The following ZNF92 variants were observed in gnomAD, a reference collection of about 807,000 sequenced individuals.
The protein encoded by ZNF92 is epididymis luminal protein 203.
A neutral mutation model predicts 12.4 loss-of-function variants in ZNF92; 11 were observed. The ratio of observed to expected loss-of-function variants is 0.89; its 90% CI spans 0.56 to 1.47. The LOEUF (loss-of-function observed/expected upper bound fraction) is 1.47. Ranked by LOEUF, ZNF92 falls within the 40% of genes most tolerant of loss-of-function variation. The pLI is 0.00. For synonymous variants in ZNF92, 206 were observed against 228.6 expected (o/e 0.90, Z 0.89); for missense variants, 622 against 681.0 (o/e 0.91, Z 0.96).
intron 1 of ZNF92, among the ~76,000 whole-genome samples, chr7:65,377,768 T>G (rs1242169105): frequency 6.7e-6 from 1 of 149,198 alleles, no homozygotes; most frequent in Non-Finnish European, 1.5e-5. Flanking sequence ...GGTTTCACCA[T>G]GTTGGTCAGG....
rs891769547 is a variant in ZNF92 at position 65,374,124 on chromosome 7, C to T, written c.3+124C>T. ...TCCGAGATCCGCGGCCCGAGTTCTC[C>T]TTGGCGCAGCTCGGCCCTCAGTCTC... On this transcript the variant is annotated intron_variant, in intron 1 of 3. Coordinates refer to ENST00000328747, the MANE Select transcript of ZNF92 (RefSeq NM_152626.4). 5 of 1,345,054 alleles carry T rather than the reference C, an allele frequency of 3.7e-6. No individual in the cohort carries two copies. In the African/African-American group the frequency reaches 7.2e-5, roughly 19 times the overall value. 83.3% of individuals were successfully genotyped at this position (1,345,054 alleles called of 1,614,324 possible).
In ZNF92 at chr7:65,388,165, G is replaced by C. The variant is rs142803286; in HGVS notation, c.130+137G>C. The C allele has an allele frequency of 1.9e-4, 180 of 952,760 alleles. 2 individuals carry two copies. In the African/African-American group the frequency reaches 2.8e-3, roughly 15 times the overall value. 59.0% of individuals were successfully genotyped at this position (952,760 alleles called of 1,614,324 possible). A position where few individuals can be genotyped will look rare whatever the true frequency, so the allele number is the denominator to read the frequency against. On this transcript the variant is annotated intron_variant, in intron 2 of 3. Coordinates refer to ENST00000328747, the MANE Select transcript of ZNF92 (RefSeq NM_152626.4). ...TTTTCAAGAAAACAGAGATTTGTCA[G>C]TATAGAAAAGAACTTCTTCAAGATG... is the stretch of plus-strand genomic sequence containing the variant.
chr7:65,396,342 A>G (rs1793846139), intron 3 of ZNF92, among the ~76,000 whole-genome samples: 1 of 151,910 alleles, frequency 6.6e-6, no homozygotes, highest in Non-Finnish European at 1.5e-5. Flanking sequence ...TCTCATAGTG[A>G]CCTGCTTTAT....
In ZNF92 at chr7:65,399,798, G is replaced by C. The variant is rs1240533614; in HGVS notation, c.1684G>C (p.Glu562Gln). The part of the protein sequence containing the change: ...LITHQIIYTG[E>Q]KPCKHECGRA... Reference sequence around the variant, plus strand: ...TACACATCAGATAATTTATACTGGAGAGAAACCCTGCAAACATGAATGTGG... The same window carrying C: ...TACACATCAGATAATTTATACTGGACAGAAACCCTGCAAACATGAATGTGG... Residue 562 changes from glutamate (E) to glutamine (Q), a missense_variant, in exon 4 of 4, where the codon GAG becomes CAG. Physicochemically the swap from Glu to Gln is conservative, Grantham distance 29. Coordinates refer to ENST00000328747, the MANE Select transcript of ZNF92 (RefSeq NM_152626.4). 6.2e-7 allele frequency: 1 copy of C among 1,612,704 alleles called. No individual in the cohort carries two copies. Among genetic ancestry groups the C allele is most frequent in the Non-Finnish European group, 8.5e-7 (1 of 1,179,372 alleles).
At chr7:65,396,868 T>C (rs1793858641) in intron 3 of ZNF92, among the ~76,000 whole-genome samples, 1 of 152,012 alleles carries the variant, frequency 6.6e-6, no homozygotes, top group South Asian at 2.1e-4. Context: ...CCCTTACCTT[T>C]TATTTTGGAA....
chr7:65,388,251 A>T, intron 2 of ZNF92: 1 of 316,652 alleles, frequency 3.2e-6, no homozygotes. Flanking sequence ...ACTCTAAATT[A>T]GTGGTAATTC....
Position 65,399,016 on chromosome 7 carries a change from A to G in ZNF92, c.902A>G (p.Asn301Ser). 1 of 1,610,724 alleles carries G rather than the reference A, an allele frequency of 6.2e-7. No individual in the cohort carries two copies. The highest frequency in any genetic ancestry group is 8.5e-7 in the Non-Finnish European group (1 of 1,178,928). Residue 301 changes from asparagine (N) to serine (S), a missense_variant, in exon 4 of 4, where the codon AAT becomes AGT. Asn to Ser is a conservative substitution (Grantham distance 46). Transcript: ENST00000328747. ...GKAFNQFSIL[N>S]KHKRIHMEDK... is the part of the protein sequence containing the mutation. Reference sequence around the variant, plus strand: ...GCCTTTAACCAGTTCTCGATTCTTAATAAACATAAGAGAATTCATATGGAA... The same window carrying G: ...GCCTTTAACCAGTTCTCGATTCTTAGTAAACATAAGAGAATTCATATGGAA...
At position 65,400,481 on chromosome 7, in the gene ZNF92, A is replaced by C. The variant is rs1793985432; in HGVS notation, c.*606A>C. On this transcript the variant is annotated 3_prime_UTR_variant, in exon 4 of 4. Coordinates refer to ENST00000328747, the MANE Select transcript of ZNF92 (RefSeq NM_152626.4). ...AAAATATATTTTTGCAGATGCAGTA[A>C]ATATGAAAAATATTTAATCCCAAAT... 1 of 152,056 alleles carries C rather than the reference A, an allele frequency of 6.6e-6. No homozygotes were observed. Among genetic ancestry groups the C allele is most frequent in the Non-Finnish European group, 1.5e-5 (1 of 67,938 alleles). 9.4% of individuals were successfully genotyped at this position (152,056 alleles called of 1,614,324 possible).
Position 65,399,578 on chromosome 7 carries a change from A to T in ZNF92, c.1464A>T (p.Lys488Asn). ...EKPYKCEECG[K>N]AFNQSSIFTK... ...CCTACAAATGTGAAGAATGTGGCAA[A>T]GCCTTTAACCAGTCCTCAATTTTTA... The change falls in exon 4 of 4, where the codon AAA becomes AAT. Residue 488 changes from lysine to asparagine, a missense_variant. Lys to Asn is a moderately conservative substitution (Grantham distance 94). Transcript: ENST00000328747. 1 of 1,613,790 alleles carries T rather than the reference A, an allele frequency of 6.2e-7. No individual in the cohort carries two copies.
At chr7:65,384,572 A>G (rs4718231) in intron 1 of ZNF92, among the ~76,000 whole-genome samples, 39,802 of 152,006 alleles carry the variant, frequency 0.26, 6,613 homozygotes, top group African/African-American at 0.44. Flanking sequence ...ATGCAGAAAC[A>G]TGCCATTTAG....
At chr7:65,391,520 A>G (rs1793708005) in intron 3 of ZNF92, among the ~76,000 whole-genome samples, 1 of 152,136 alleles carries the variant, frequency 6.6e-6, no homozygotes, top group African/African-American at 2.4e-5. Flanking sequence ...TGCGGCAGGC[A>G]AAAAGGAATA....
chr7:65,373,984 C>T lies in ZNF92; in HGVS notation c.-14C>T, dbSNP rs200826842. ...TTCACAGCTAAGACGCCAGGACCCC[C>T]TGGAAGCCTAGAAATGGTGAGCCTG... On this transcript the variant is annotated 5_prime_UTR_variant, in exon 1 of 4. Coordinates refer to ENST00000328747, the MANE Select transcript of ZNF92 (RefSeq NM_152626.4). 15 of 1,614,036 alleles carry T rather than the reference C, an allele frequency of 9.3e-6. No homozygotes were observed. The highest frequency in any genetic ancestry group is 1.2e-5 in the Non-Finnish European group (14 of 1,180,024).
chr7:65,389,073 C>G (rs556715595), intron 3 of ZNF92, among the ~76,000 whole-genome samples, 172 bp downstream of exon 3: 3 of 152,196 alleles, frequency 2.0e-5, no homozygotes, highest in Admixed American at 6.5e-5. Flanking sequence ...GATTCTCCTG[C>G]TTCAGCCTCC....
chr7:65,384,135 A>G (rs1273595452), intron 1 of ZNF92, among the ~76,000 whole-genome samples: 3 of 152,186 alleles, frequency 2.0e-5, no homozygotes, highest in Admixed American at 2.0e-4. Flanking sequence ...TTCTAATACA[A>G]TTATGCTAGA....
chr7:65,398,657 A>G lies in ZNF92; in HGVS notation c.543A>G (p.Ser181=). Residue 181 remains serine, a synonymous_variant, in exon 4 of 4, where the codon TCA becomes TCG. Coordinates refer to ENST00000328747, the MANE Select transcript of ZNF92 (RefSeq NM_152626.4). ...KPFKCKNRGK[S]FCMLSQLTQH... is the part of the protein sequence containing the mutation. ...TCAAATGTAAAAACCGTGGCAAATC[A>G]TTTTGCATGCTTTCACAATTAACTC... The G allele has an allele frequency of 6.2e-7, 1 of 1,612,118 alleles. No individual in the cohort carries two copies. The highest frequency in any genetic ancestry group is 1.3e-5 in the African/African-American group (1 of 74,912).
rs182442711 is a variant in ZNF92 at position 65,393,730 on chromosome 7, A to G, written c.227-4611A>G. Among the ~76,000 whole-genome samples, 3 of 152,104 alleles carry G rather than the reference A, an allele frequency of 2.0e-5. No individual in the cohort carries two copies. The East Asian group carries it at 5.8e-4, about 29-fold the overall frequency. On this transcript the variant is annotated intron_variant, in intron 3 of 3. Coordinates refer to ENST00000328747, the MANE Select transcript of ZNF92 (RefSeq NM_152626.4). ...GATTTTGTTTTTCATTGTGCTTTTT[A>G]TGCATTTCTCTATAAGTTAGTAATT...
intron 3 of ZNF92, among the ~76,000 whole-genome samples, chr7:65,392,126 C>G (rs1793732534): frequency 6.6e-6 from 1 of 152,048 alleles, no homozygotes; most frequent in African/African-American, 2.4e-5. Flanking sequence ...ATATGTCCAT[C>G]ATAGTCTGAT....
At position 65,399,712 on chromosome 7, in the gene ZNF92, G is replaced by C; in HGVS notation, c.1598G>C (p.Gly533Ala). Reference protein sequence around the residue: ...NLTARKIIYTGEKPYKYEECD... With the variant: ...NLTARKIIYTAEKPYKYEECD... The stretch of plus-strand genomic sequence containing the variant: ...ACTGCACGTAAGATAATTTATACTG[G>C]AGAGAAACCCTACAAATATGAAGAA... The change falls in exon 4 of 4, where the codon GGA becomes GCA. Residue 533 changes from glycine to alanine, a missense_variant. By Grantham distance (60) the Gly-to-Ala change is moderately conservative. Coordinates refer to ENST00000328747, the MANE Select transcript of ZNF92 (RefSeq NM_152626.4). 1 of 1,613,160 alleles carries C rather than the reference G, an allele frequency of 6.2e-7. No homozygotes were observed. The highest frequency in any genetic ancestry group is 8.5e-7 in the Non-Finnish European group (1 of 1,179,450).
chr7:65,393,372 T>A (rs1793769867), intron 3 of ZNF92, among the ~76,000 whole-genome samples: 1 of 152,026 alleles, frequency 6.6e-6, no homozygotes, highest in Non-Finnish European at 1.5e-5. Context: ...TTCCACTGTA[T>A]TTGTATGTTA....
Sources: gnomAD v4.1 joint callset for allele counts (sites outside exome capture counted in the v4.1 genomes callset) on GRCh38, gnomAD v4.1.1 for gene constraint, MANE v1.5 for transcripts, NCBI Gene and HGNC (gene_info 2026-07-23, HGNC 2026-07-21) for gene names.